Variants in ATL1 observed in about 807,000 individuals in gnomAD.
The protein encoded by ATL1 is atlastin GTPase 1.
ATL1 carries 31 observed loss-of-function variants against 75.5 expected under a neutral mutation model. The observed-to-expected ratio is 0.41, with a 90% CI of 0.31 to 0.55. The LOEUF (loss-of-function observed/expected upper bound fraction) is 0.55, where lower values mean the gene tolerates loss of function less well. Among genes scored for constraint, ATL1 ranks in the 20% least tolerant of loss-of-function variants. ATL1 has a pLI of 0.27. For synonymous variants in ATL1, 226 were observed against 233.3 expected, an observed-to-expected ratio of 0.97 and a Z score of 0.28; for missense variants, 405 against 662.6, an observed-to-expected ratio of 0.61 and a Z score of 4.27.
chr14:50,607,751 T>C (rs889307134), intron 6 of ATL1, among the ~76,000 whole-genome samples: 1 of 152,112 alleles, frequency 6.6e-6, no homozygotes, highest in Non-Finnish European at 1.5e-5. Context: ...TTATAATGGA[T>C]GTGCACATAA....
chr14:50,534,592 GA>G (rs2038469494), intron 1 of ATL1, among the ~76,000 whole-genome samples: 2 of 152,324 alleles, frequency 1.3e-5, no homozygotes, highest in South Asian at 4.1e-4. Flanking sequence ...CTGGAGTGCG[GA>G]TATTTTATGT....
chr14:50,632,298 A>C lies in ATL1; in HGVS notation c.1636A>C (p.Lys546Gln), dbSNP rs2039590374. Residue 546 changes from lysine to glutamine, a missense_variant, in exon 14 of 14, where the codon AAG (lysine) becomes CAG (glutamine). Physicochemically the swap from Lys to Gln is moderately conservative, Grantham distance 53 (BLOSUM62 1). This residue lies in a region of ATL1 where 163 missense variants were observed against 244.1 expected (regional missense o/e 0.67). Transcript: ENST00000358385. ...GTATCATCAAGCTTTCCCTACACCA[A>C]AGTCGGAATCTACTGAACAATCAGA... ...HLYHQAFPTP[K>Q]SESTEQSEKK... is the part of the protein sequence containing the mutation. The C allele has an allele frequency of 6.2e-7, 1 of 1,613,438 alleles. No homozygotes were observed. The highest frequency in any genetic ancestry group is 8.5e-7 in the Non-Finnish European group (1 of 1,179,618).
chr14:50,584,127 C>T (rs1419075172), intron 1 of ATL1, among the ~76,000 whole-genome samples: 1 of 152,178 alleles, frequency 6.6e-6, no homozygotes, highest in African/African-American at 2.4e-5. Context: ...GTAATGCCAG[C>T]ACTTTGGGAG....
chr14:50,628,103 T>C lies in ATL1; in HGVS notation c.1192T>C (p.Ser398Pro). The change falls in exon 12 of 14, where the codon TCT becomes CCT. Residue 398 changes from serine (S) to proline (P), a missense_variant. Ser to Pro is a moderately conservative substitution (Grantham distance 74, BLOSUM62 -1). Transcript: ENST00000358385. ...QTKHLQLKEE[S>P]VKLFRGVKKM... ...CAAACACCTGCAACTTAAGGAAGAATCTGTGAAGCTATTCCGAGGGGTGAA... is the reference window on the plus strand; with the variant it reads ...CAAACACCTGCAACTTAAGGAAGAACCTGTGAAGCTATTCCGAGGGGTGAA... The C allele has an allele frequency of 6.2e-7, 1 of 1,614,132 alleles. No individual in the cohort carries two copies. Among genetic ancestry groups the C allele is most frequent in the African/African-American group, 1.3e-5 (1 of 75,022 alleles).
At chr14:50,560,023 G>A (rs369130316), upstream of ATL1, 55 of 580,618 alleles carry the variant, frequency 9.5e-5, no homozygotes, top group East Asian at 8.2e-4. Context: ...GTGGACTGAG[G>A]TAGGGAGGGT....
chr14:50,533,997 T>C (rs1475339591), intron 1 of ATL1, among the ~76,000 whole-genome samples: 1 of 152,164 alleles, frequency 6.6e-6, no homozygotes, highest in Non-Finnish European at 1.5e-5. Flanking sequence ...TGAAGAACAG[T>C]TCCTTCTTTC....
upstream of ATL1, among the ~76,000 whole-genome samples, chr14:50,556,179 A>T (rs1422745097): frequency 2.0e-5 from 3 of 152,188 alleles, no homozygotes; most frequent in Non-Finnish European, 4.4e-5. Flanking sequence ...AACATAATTC[A>T]CATACCATAA....
At chr14:50,581,582 G>T (rs1482229086) in intron 1 of ATL1, among the ~76,000 whole-genome samples, 1 of 151,882 alleles carries the variant, frequency 6.6e-6, no homozygotes, top group Non-Finnish European at 1.5e-5. Flanking sequence ...TATTCCATAG[G>T]TTATTTAGAT....
At chr14:50,613,231 A>C (rs978433996) in intron 6 of ATL1, 28 bp from the exon 7 acceptor site, 2 of 1,560,096 alleles carry the variant, frequency 1.3e-6, no homozygotes, top group East Asian at 2.2e-5. Flanking sequence ...TAAAGTCCTC[A>C]TATCAATCCT....
At chr14:50,546,945 G>A (rs777141401) in intron 1 of ATL1, among the ~76,000 whole-genome samples, 5 of 151,908 alleles carry the variant, frequency 3.3e-5, no homozygotes, top group East Asian at 1.9e-4. Context: ...CCATATACCC[G>A]TCATCTACAT....
At chr14:50,547,621 TA>T (rs1262086397) in intron 1 of ATL1, among the ~76,000 whole-genome samples, 1 of 152,172 alleles carries the variant, frequency 6.6e-6, no homozygotes, top group African/African-American at 2.4e-5. Flanking sequence ...AGAACCCCTA[TA>T]ACAGCCCTGT....
intron 1 of ATL1, among the ~76,000 whole-genome samples, chr14:50,581,287 C>A (rs1036226825): frequency 2.6e-5 from 4 of 151,042 alleles, no homozygotes; most frequent in African/African-American, 9.7e-5. Context: ...TTCCTCTAAG[C>A]AAGTTTTTTA....
chr14:50,569,210 A>G (rs2038932608), intron 1 of ATL1, among the ~76,000 whole-genome samples: 1 of 151,972 alleles, frequency 6.6e-6, no homozygotes, highest in Non-Finnish European at 1.5e-5. Flanking sequence ...AAATGCAAAA[A>G]TTATCCAGGT....
chr14:50,573,509 A>G (rs913464914), intron 1 of ATL1, among the ~76,000 whole-genome samples: 1 of 152,190 alleles, frequency 6.6e-6, no homozygotes, highest in African/African-American at 2.4e-5. Context: ...TAGAACACCC[A>G]TGCTTTGAAC....
At chr14:50,533,220 T>C (rs2140134803) in exon 1 of ATL1, 1 of 152,360 alleles carries the variant, frequency 6.6e-6, no homozygotes, top group Middle Eastern at 3.4e-3. Flanking sequence ...TCGCTGGTAT[T>C]GCACCTTTAA....
intron 1 of ATL1, among the ~76,000 whole-genome samples, chr14:50,582,203 C>T (rs1187695692): frequency 2.6e-5 from 4 of 151,362 alleles, no homozygotes; most frequent in African/African-American, 7.3e-5. Context: ...TGCTTAAACC[C>T]GGGAGGCAGA....
At chr14:50,577,882 A>C (rs1181571729) in intron 1 of ATL1, among the ~76,000 whole-genome samples, 1 of 152,144 alleles carries the variant, frequency 6.6e-6, no homozygotes, top group Non-Finnish European at 1.5e-5. Flanking sequence ...GATATACCAC[A>C]TTTTATCTGT....
chr14:50,597,220 C>CAAAAAAAAAAAAAAAAAAAAAA (rs372066395), intron 6 of ATL1, among the ~76,000 whole-genome samples: 36 of 108,320 alleles, frequency 3.3e-4, no homozygotes, highest in African/African-American at 6.2e-4. Flanking sequence ...AAAAAACAAA[C>CAAAAAAAAAAAAAAAAAAAAAA]AAAAAAAAAA....
chr14:50,616,928 A>C (rs72679573), intron 8 of ATL1, among the ~76,000 whole-genome samples: 1 of 152,154 alleles, frequency 6.6e-6, no homozygotes, highest in Non-Finnish European at 1.5e-5. Context: ...TGTGATTTCT[A>C]TCCAGGATGT....
Sources: allele counts gnomAD v4.1 joint callset (sites outside exome capture counted in the v4.1 genomes callset), GRCh38; gene constraint gnomAD v4.1.1; regional missense constraint gnomAD v4.1.1; transcripts MANE v1.5; gene names NCBI Gene and HGNC (gene_info 2026-07-23, HGNC 2026-07-21).